The following DYM variants were observed in gnomAD, a reference collection of about 807,000 sequenced individuals.
The protein encoded by DYM is dyggve-Melchior-Clausen syndrome protein.
In DYM, 78 loss-of-function variants were observed where a neutral mutation model predicts 93.1. The observed-to-expected ratio is 0.84, with a 90% CI of 0.70 to 1.01. DYM has a LOEUF of 1.01. Among genes scored for constraint, DYM ranks in the 50% least tolerant of loss-of-function variants. The pLI is 0.00. For synonymous variants in DYM, 321 were observed against 319.7 expected, an observed-to-expected ratio of 1.00 and a Z score of -0.04; for missense variants, 789 against 845.0, an observed-to-expected ratio of 0.93 and a Z score of 0.82.
chr18:49,271,684 A>T (rs920255828), intron 11 of DYM, among the ~76,000 whole-genome samples: 4 of 151,850 alleles, frequency 2.6e-5, no homozygotes, highest in East Asian at 3.8e-4. Context: ...AAAATAAAAT[A>T]AAAAAATGCC....
chr18:49,135,976 A>G lies in DYM; in HGVS notation c.1729-17050T>C, dbSNP rs143473613. Among the ~76,000 whole-genome samples, 457 of 152,360 alleles carry G rather than the reference A, an allele frequency of 3.0e-3. 2 individuals carry two copies. Among genetic ancestry groups the G allele is most frequent in the African/African-American group, 0.011 (448 of 41,576 alleles). ...CAAAAGTTGTATTTATGGTTGTCTAATGAATGGCATCAATGCCTACATTTT... is the reference window on the plus strand; with the variant it reads ...CAAAAGTTGTATTTATGGTTGTCTAGTGAATGGCATCAATGCCTACATTTT... On this transcript the variant is annotated intron_variant, in intron 15 of 17. Coordinates refer to ENST00000675505, the MANE Select transcript of DYM (RefSeq NM_001353214.3).
chr18:49,379,702 T>C lies in DYM; in HGVS notation c.250A>G (p.Arg84Gly). ...LGALIKVFLS[R>G]TKELKLSAEC... ...GCTGAAAGTTTTAGTTCTTTGGTTCTAGAAAGGAAGACCTTAATTAGTGCA... is the reference window on the plus strand; with the variant it reads ...GCTGAAAGTTTTAGTTCTTTGGTTCCAGAAAGGAAGACCTTAATTAGTGCA... The change falls in exon 4 of 18, where the codon AGA becomes GGA. Residue 84 changes from arginine to glycine, a missense_variant. Physicochemically the swap from Arg to Gly is moderately radical, Grantham distance 125. This residue lies in a region of DYM where 450 missense variants were observed against 436.2 expected (regional missense o/e 1.03). Coordinates refer to ENST00000675505, the MANE Select transcript of DYM (RefSeq NM_001353214.3). The C allele has an allele frequency of 6.2e-7, 1 of 1,613,450 alleles. No homozygotes were observed. The highest frequency in any genetic ancestry group is 1.3e-5 in the African/African-American group (1 of 75,042).
chr18:49,254,767 GTTAA>G (rs2094358364), intron 13 of DYM, among the ~76,000 whole-genome samples: 1 of 152,180 alleles, frequency 6.6e-6, no homozygotes, highest in South Asian at 2.1e-4. Flanking sequence ...TTTGAGAAAA[GTTAA>G]TTGTGTAATG....
intron 8 of DYM, among the ~76,000 whole-genome samples, chr18:49,314,026 G>A (rs994634727): frequency 3.9e-5 from 6 of 152,156 alleles, no homozygotes; most frequent in African/African-American, 9.7e-5. Flanking sequence ...GGGAGGCCAA[G>A]GCATGCAGAT....
intron 16 of DYM, among the ~76,000 whole-genome samples, chr18:49,098,820 T>C (rs928761273): frequency 6.6e-6 from 1 of 152,204 alleles, no homozygotes; most frequent in African/African-American, 2.4e-5. Context: ...TTTTATAATA[T>C]AGTGAATAAA....
chr18:49,113,072 T>C (rs895844394), intron 16 of DYM, among the ~76,000 whole-genome samples: 3 of 152,202 alleles, frequency 2.0e-5, no homozygotes, highest in South Asian at 4.1e-4. Context: ...GAAAATATTT[T>C]ATATTGCATT....
At chr18:49,207,633 T>C (rs1481627169) in intron 14 of DYM, among the ~76,000 whole-genome samples, 2 of 152,210 alleles carry the variant, frequency 1.3e-5, no homozygotes, top group African/African-American at 4.8e-5. Context: ...GAAGGAATTC[T>C]GTCTGAAGAC....
chr18:49,046,611 G>C (rs532295404), intron 17 of DYM, among the ~76,000 whole-genome samples: 1 of 152,194 alleles, frequency 6.6e-6, no homozygotes, highest in Admixed American at 6.5e-5. Context: ...AAGACTAAAA[G>C]CATCTGGACC....
At chr18:49,187,746 T>C (rs1375732652) in intron 14 of DYM, among the ~76,000 whole-genome samples, 2 of 152,166 alleles carry the variant, frequency 1.3e-5, no homozygotes, top group African/African-American at 4.8e-5. Context: ...AGAAGAAATG[T>C]CATTTGGTTA....
chr18:49,201,941 A>G (rs1018059493), intron 14 of DYM, among the ~76,000 whole-genome samples: 3 of 152,158 alleles, frequency 2.0e-5, no homozygotes, highest in South Asian at 2.1e-4. Flanking sequence ...TTGGCACAGG[A>G]CTAATCACAC....
chr18:49,417,941 T>A (rs2073175633), intron 2 of DYM: 1 of 150,976 alleles, frequency 6.6e-6, no homozygotes, highest in African/African-American at 2.4e-5. Context: ...ATGCCTGTAA[T>A]CCCAGCTACT....
At chr18:49,233,984 C>T (rs2093784524) in intron 13 of DYM, among the ~76,000 whole-genome samples, 1 of 151,988 alleles carries the variant, frequency 6.6e-6, no homozygotes, top group Non-Finnish European at 1.5e-5. Flanking sequence ...AAAAAATTAG[C>T]CGGGCATGGT....
intron 2 of DYM, among the ~76,000 whole-genome samples, chr18:49,397,280 C>T (rs185765752): frequency 2.6e-5 from 4 of 152,264 alleles, no homozygotes; most frequent in East Asian, 1.9e-4. Flanking sequence ...TAAAATAATG[C>T]TTCACATTTG....
At chr18:49,128,632 C>T (rs898741102) in intron 15 of DYM, among the ~76,000 whole-genome samples, 1 of 151,938 alleles carries the variant, frequency 6.6e-6, no homozygotes, top group Non-Finnish European at 1.5e-5. Flanking sequence ...TTTTAAAACC[C>T]CTTCCTAGTC....
chr18:49,083,993 G>A (rs1435221870), intron 17 of DYM, among the ~76,000 whole-genome samples: 1 of 151,736 alleles, frequency 6.6e-6, no homozygotes, highest in East Asian at 1.9e-4. Flanking sequence ...ATTGATTTGT[G>A]CTCTGATCTT....
intron 17 of DYM, among the ~76,000 whole-genome samples, chr18:49,090,201 G>T (rs531193434): frequency 2.0e-5 from 3 of 152,170 alleles, no homozygotes; most frequent in Non-Finnish European, 4.4e-5. Flanking sequence ...TATTGGACAA[G>T]AAACTCAAGG....
intron 6 of DYM, among the ~76,000 whole-genome samples, chr18:49,352,521 G>A (rs558893592): frequency 1.3e-5 from 2 of 152,262 alleles, no homozygotes; most frequent in African/African-American, 2.4e-5. Flanking sequence ...TGCCAGGGAC[G>A]AGGAGTTGGG....
intron 1 of DYM, among the ~76,000 whole-genome samples, chr18:49,453,522 C>A (rs761842112): frequency 1.3e-5 from 2 of 152,054 alleles, no homozygotes; most frequent in African/African-American, 4.8e-5. Context: ...CGAACACATC[C>A]GAAAATCAGA....
chr18:49,067,282 TG>T (rs1186571648), intron 17 of DYM, among the ~76,000 whole-genome samples: 7 of 109,304 alleles, frequency 6.4e-5, no homozygotes, highest in South Asian at 6.2e-4. Flanking sequence ...AGGAATGGGG[TG>T]ATGTGAGCAC....
Sources: gnomAD v4.1 joint callset for allele counts (sites outside exome capture counted in the v4.1 genomes callset) on GRCh38, gnomAD v4.1.1 for gene constraint, gnomAD v4.1.1 regional missense constraint, MANE v1.5 for transcripts, NCBI Gene and HGNC (gene_info 2026-07-23, HGNC 2026-07-21) for gene names.